VPS50: variants seen among roughly 807,000 people sequenced by gnomAD.
VPS50 encodes the protein syndetin.
A neutral mutation model predicts 139.7 loss-of-function variants in VPS50; 70 were observed. The observed-to-expected ratio is 0.50, with a 90% CI of 0.41 to 0.61. The LOEUF is 0.61. Ranked by LOEUF, VPS50 falls within the 20% of genes least tolerant of loss-of-function variation. VPS50 has a pLI of 0.00. For missense variants in VPS50, 921 were observed against 1,133.7 expected (o/e 0.81, Z 2.69); for synonymous variants, 365 against 376.7 (o/e 0.97, Z 0.36).
intron 2 of VPS50, among the ~76,000 whole-genome samples, chr7:93,241,298 C>G (rs574604301): frequency 1.3e-5 from 2 of 152,064 alleles, no homozygotes; most frequent in South Asian, 4.1e-4. Flanking sequence ...AAATGTACAC[C>G]CCTAGCTCCA....
At chr7:93,265,067 A>G (rs1795800241) in intron 9 of VPS50, among the ~76,000 whole-genome samples, 1 of 152,216 alleles carries the variant, frequency 6.6e-6, no homozygotes, top group Non-Finnish European at 1.5e-5. Flanking sequence ...AAAAGCAAAC[A>G]GTTTTCTTTC....
chr7:93,321,495 C>T (rs1159881171), intron 20 of VPS50, among the ~76,000 whole-genome samples: 1 of 152,076 alleles, frequency 6.6e-6, no homozygotes, highest in Non-Finnish European at 1.5e-5. Flanking sequence ...TATTGTCTTC[C>T]ATGTATGACT....
chr7:93,353,646 G>A lies in VPS50; in HGVS notation c.2470G>A (p.Glu824Lys), dbSNP rs758048672. Reference protein sequence around the residue: ...IYVDALLKEFEQFNRRLNEVS... With the variant: ...IYVDALLKEFKQFNRRLNEVS... ...TACCTATTTGTCTTCTTAGGAATTT[G>A]AGCAGTTTAACAGGAGGCTAAATGA... The change falls in exon 26 of 28, where the codon GAG becomes AAG. Residue 824 changes from glutamate (E) to lysine (K), a missense_variant. Glu to Lys is a moderately conservative substitution (Grantham distance 56, BLOSUM62 1). Around this residue, in one of 3 missense-constraint regions of VPS50, gnomAD observed 19 missense variants for 46.8 expected, o/e 0.41. Coordinates refer to ENST00000305866, the MANE Select transcript of VPS50 (RefSeq NM_017667.4). 1.9e-6 allele frequency: 3 copies of A among 1,610,688 alleles called. No individual in the cohort carries two copies. The highest frequency in any genetic ancestry group is 2.5e-6 in the Non-Finnish European group (3 of 1,178,796).
intron 20 of VPS50, among the ~76,000 whole-genome samples, chr7:93,312,337 T>C (rs1330087700): frequency 6.6e-6 from 1 of 152,152 alleles, no homozygotes; most frequent in Non-Finnish European, 1.5e-5. Flanking sequence ...AGAATCAGAA[T>C]TGGGAGAGTG....
chr7:93,350,550 T>C (rs1798527923), intron 25 of VPS50, among the ~76,000 whole-genome samples: 1 of 152,152 alleles, frequency 6.6e-6, no homozygotes, highest in Non-Finnish European at 1.5e-5. Context: ...CTGATATGTG[T>C]CACACGCTGA....
At position 93,291,685 on chromosome 7, in the gene VPS50, T is replaced by C. The variant is rs1178410333; in HGVS notation, c.943-18T>C. The C allele has an allele frequency of 4.2e-6, 6 of 1,421,606 alleles. No individual in the cohort carries two copies. Among genetic ancestry groups the C allele is most frequent in the Non-Finnish European group, 5.7e-6 (6 of 1,057,110 alleles). The allele number at this position is 1,421,606 out of a possible 1,614,324, so 88.1% of individuals were successfully genotyped here. On this transcript the variant is annotated intron_variant, in intron 12 of 27. Coordinates refer to ENST00000305866, the MANE Select transcript of VPS50 (RefSeq NM_017667.4). ...TAAACATAATAATTTGAAAGTTGTC[T>C]CTTATCATTTTCTTTAGCATGTTAC...
At chr7:93,265,430 AAC>A (rs1166415055) in intron 9 of VPS50, among the ~76,000 whole-genome samples, 12 of 152,346 alleles carry the variant, frequency 7.9e-5, no homozygotes, top group Non-Finnish European at 1.5e-4. Flanking sequence ...TTTATTTAGA[AAC>A]ACAGACTGCC....
intron 25 of VPS50, among the ~76,000 whole-genome samples, chr7:93,351,795 T>G (rs1340643921): frequency 6.6e-6 from 1 of 152,188 alleles, no homozygotes; most frequent in African/African-American, 2.4e-5. Context: ...ACCATGATCC[T>G]TATAGGGTGC....
At chr7:93,303,876 A>G (rs972119694) in intron 17 of VPS50, among the ~76,000 whole-genome samples, 7 of 151,860 alleles carry the variant, frequency 4.6e-5, no homozygotes, top group African/African-American at 1.7e-4. Flanking sequence ...TTTTGCAGAT[A>G]ATCAATTAGC....
At chr7:93,268,381 A>G (rs1795905192) in intron 9 of VPS50, among the ~76,000 whole-genome samples, 1 of 152,038 alleles carries the variant, frequency 6.6e-6, no homozygotes, top group Admixed American at 6.6e-5. Flanking sequence ...TGTCTGTTAC[A>G]TAGGTAAATG....
rs570526983 is a variant in VPS50, at chr7:93,361,060, A to G, written c.*2624A>G. Reference sequence around the variant, plus strand: ...TCTTAACTCACCAAAAAGTAGTAAAAGGCTTGTAATTCAATTCACCTTGTA... The same window carrying G: ...TCTTAACTCACCAAAAAGTAGTAAAGGGCTTGTAATTCAATTCACCTTGTA... On this transcript the variant is annotated 3_prime_UTR_variant, in exon 28 of 28. Coordinates refer to ENST00000305866, the MANE Select transcript of VPS50 (RefSeq NM_017667.4). The G allele has an allele frequency of 2.0e-5, 3 of 151,890 alleles. No homozygotes were observed. The highest frequency in any genetic ancestry group is 6.6e-5 in the Admixed American group (1 of 15,208). The allele number at this position is 151,890 out of a possible 1,614,324, so 9.4% of individuals were successfully genotyped here.
chr7:93,328,020 A>C (rs1178169376), intron 21 of VPS50, among the ~76,000 whole-genome samples: 1 of 152,172 alleles, frequency 6.6e-6, no homozygotes, highest in Non-Finnish European at 1.5e-5. Flanking sequence ...ACATTAGTTC[A>C]AAGGATTACT....
intron 17 of VPS50, among the ~76,000 whole-genome samples, chr7:93,304,552 A>G (rs949030995): frequency 2.6e-5 from 4 of 151,860 alleles, no homozygotes; most frequent in Admixed American, 2.0e-4. Context: ...CAAAGATTTA[A>G]GGTAATTCCT....
intron 25 of VPS50, among the ~76,000 whole-genome samples, chr7:93,352,155 A>G (rs1798580267): frequency 6.6e-6 from 1 of 152,180 alleles, no homozygotes; most frequent in South Asian, 2.1e-4. Flanking sequence ...TACACAAAGC[A>G]TTTTATACAT....
rs73415353 is a variant in VPS50 at position 93,262,308 on chromosome 7, A to T, written c.659+2676A>T. Among the ~76,000 whole-genome samples the T allele has an allele frequency of 9.4e-3, 1,433 of 152,336 alleles. 22 individuals are homozygous for T. The highest frequency in any genetic ancestry group is 0.03 in the African/African-American group (1,265 of 41,576). On this transcript the variant is annotated intron_variant, in intron 9 of 27. Coordinates refer to ENST00000305866, the MANE Select transcript of VPS50 (RefSeq NM_017667.4). ...ACATGATGAGTGTTAACTGTAAAAA[A>T]TGTCTTTGAAAGAAATTCTTATTTG...
At chr7:93,304,490 TTAG>T (rs1797063575) in intron 17 of VPS50, among the ~76,000 whole-genome samples, 1 of 151,854 alleles carries the variant, frequency 6.6e-6, no homozygotes, top group South Asian at 2.1e-4. Context: ...TTAATGTTAA[TTAG>T]TATTAACATA....
intron 23 of VPS50, among the ~76,000 whole-genome samples, chr7:93,342,890 G>C (rs1478366503): frequency 1.3e-5 from 2 of 152,196 alleles, no homozygotes; most frequent in Non-Finnish European, 2.9e-5. Context: ...GAAAAAAACA[G>C]AGCAGAAAAC....
At chr7:93,358,088 T>C (rs560691131) in intron 27 of VPS50, among the ~76,000 whole-genome samples, 9 of 152,252 alleles carry the variant, frequency 5.9e-5, no homozygotes, top group Non-Finnish European at 1.3e-4. Flanking sequence ...TTAAAACAGA[T>C]TCTAGTGCTT....
At chr7:93,353,786 T>G in intron 26 of VPS50, 25 bp downstream of exon 26, 1 of 1,569,454 alleles carries the variant, frequency 6.4e-7, no homozygotes, top group Admixed American at 1.8e-5. Context: ...AAAGCATTAT[T>G]TGTTTCTTTA....
Sources: gnomAD v4.1 joint callset for allele counts (sites outside exome capture counted in the v4.1 genomes callset) on GRCh38, gnomAD v4.1.1 for gene constraint, gnomAD v4.1.1 regional missense constraint, MANE v1.5 for transcripts, NCBI Gene and HGNC (gene_info 2026-07-23, HGNC 2026-07-21) for gene names.